The following TBC1D15 variants were observed in gnomAD, a reference collection of about 807,000 sequenced individuals.
TBC1D15 encodes GAP for RAB7.
In TBC1D15, 39 loss-of-function variants were observed where a neutral mutation model predicts 95.4. The ratio of observed to expected loss-of-function variants is 0.41; its 90% CI spans 0.32 to 0.53. The LOEUF is 0.53. Ranked by LOEUF, TBC1D15 falls within the 20% of genes least tolerant of loss-of-function variation. The pLI, the probability that TBC1D15 is intolerant of heterozygous loss-of-function variation, is 0.29. For missense variants in TBC1D15, 733 were observed against 794.3 expected, an observed-to-expected ratio of 0.92 and a Z score of 0.93; for synonymous variants, 258 against 261.3, an observed-to-expected ratio of 0.99 and a Z score of 0.12.
At chr12:71,892,148 A>AT (rs148489216) in intron 5 of TBC1D15, among the ~76,000 whole-genome samples, 72 of 151,826 alleles carry the variant, frequency 4.7e-4, no homozygotes, top group African/African-American at 1.6e-3. Context: ...TTTAAAATGT[A>AT]TTTTTTTTCC....
intron 1 of TBC1D15, among the ~76,000 whole-genome samples, chr12:71,865,866 C>T (rs984420141): frequency 1.3e-5 from 2 of 152,000 alleles, no homozygotes; most frequent in African/African-American, 4.8e-5. Context: ...TGGGGTGTGA[C>T]TGTTCTGTGC....
chr12:71,857,491 T>C (rs1340808833), intron 1 of TBC1D15, among the ~76,000 whole-genome samples: 2 of 152,152 alleles, frequency 1.3e-5, no homozygotes, highest in African/African-American at 4.8e-5. Flanking sequence ...CAGGAATCAA[T>C]TCATGACAGA....
intron 10 of TBC1D15, among the ~76,000 whole-genome samples, chr12:71,900,465 A>T (rs1171474989): frequency 6.6e-6 from 1 of 152,088 alleles, no homozygotes; most frequent in Non-Finnish European, 1.5e-5. Flanking sequence ...CCAAGGTCTG[A>T]TTTTTCACAC....
intron 1 of TBC1D15, chr12:71,849,948 G>A (rs1236108484): frequency 1.9e-6 from 1 of 538,622 alleles, no homozygotes. Context: ...CCCCTGAAGG[G>A]TGTTGATCCA....
chr12:71,861,753 T>C (rs541568300), intron 1 of TBC1D15, among the ~76,000 whole-genome samples: 10 of 152,160 alleles, frequency 6.6e-5, no homozygotes, highest in African/African-American at 2.4e-4. Context: ...ATTGTTTTTC[T>C]AGTTCCTTGA....
intron 10 of TBC1D15, among the ~76,000 whole-genome samples, chr12:71,903,549 C>T (rs1343385855): frequency 6.6e-6 from 1 of 152,134 alleles, no homozygotes. Context: ...ATCGTTCTAC[C>T]ACAAAGGTAA....
intron 1 of TBC1D15, among the ~76,000 whole-genome samples, chr12:71,871,071 A>T (rs1408954630): frequency 6.6e-5 from 10 of 152,272 alleles, no homozygotes; most frequent in African/African-American, 2.2e-4. Context: ...AATTAAAAAA[A>T]TTTTTAAATG....
At chr12:71,916,210 C>T (rs897133250) in intron 12 of TBC1D15, among the ~76,000 whole-genome samples, 2 of 152,226 alleles carry the variant, frequency 1.3e-5, no homozygotes, top group South Asian at 4.1e-4. Context: ...CATTTGAAGC[C>T]CTTTGTATAT....
intron 1 of TBC1D15, among the ~76,000 whole-genome samples, chr12:71,857,100 A>T (rs190922870): frequency 0.13 from 16,621 of 129,944 alleles, 1,077 homozygotes; most frequent in African/African-American, 0.19. Flanking sequence ...TAATTTTTTT[A>T]AATTTATTAT....
chr12:71,892,032 T>C (rs1897274356), intron 5 of TBC1D15, among the ~76,000 whole-genome samples: 1 of 152,164 alleles, frequency 6.6e-6, no homozygotes, highest in African/African-American at 2.4e-5. Context: ...ACTTTTCTTT[T>C]CTGATGCTAC....
intron 11 of TBC1D15, among the ~76,000 whole-genome samples, chr12:71,912,385 A>G (rs1158264238): frequency 1.3e-5 from 2 of 152,082 alleles, no homozygotes; most frequent in Non-Finnish European, 2.9e-5. Flanking sequence ...GTAGAGCTAT[A>G]TTTTCCCACA....
intron 3 of TBC1D15, among the ~76,000 whole-genome samples, chr12:71,879,597 T>A (rs1894721695): frequency 6.6e-6 from 1 of 152,246 alleles, no homozygotes; most frequent in African/African-American, 2.4e-5. Context: ...CCTCACGTTG[T>A]CTTCCATATT....
chr12:71,853,022 C>G (rs1354138581), intron 1 of TBC1D15, among the ~76,000 whole-genome samples: 1 of 152,146 alleles, frequency 6.6e-6, no homozygotes, highest in Admixed American at 6.5e-5. Flanking sequence ...TCAATACTCA[C>G]TGCTATAAAG....
Position 71,907,026 on chromosome 12 carries a change from AG to A in TBC1D15, c.1189del (p.Asp397MetfsTer20). Reference sequence around the variant, plus strand: ...TGTGATGATTTTCCTCTTCAGAAAAAGATGTTAACAGAACAGATCGAACAAA... The same window carrying A: ...TGTGATGATTTTCCTCTTCAGAAAAAATGTTAACAGAACAGATCGAACAAA... ...LRDYRSLIEKDVNRTDRTNKF... is the reference protein window; with the variant it reads ...LRDYRSLIEKXVNRTDRTNKF... On this transcript the variant is annotated frameshift_variant, in exon 11 of 17. Transcript: ENST00000485960. LOFTEE classifies it high-confidence loss of function. The A allele has an allele frequency of 6.3e-7, 1 of 1,578,350 alleles. No individual in the cohort carries two copies. The highest frequency in any genetic ancestry group is 8.6e-7 in the Non-Finnish European group (1 of 1,164,704).
At chr12:71,899,090 G>A (rs965677333) in intron 10 of TBC1D15, among the ~76,000 whole-genome samples, 2 of 152,064 alleles carry the variant, frequency 1.3e-5, no homozygotes, top group African/African-American at 4.8e-5. Flanking sequence ...TATTCGAACT[G>A]GAAGGGAAGT....
Position 71,893,202 on chromosome 12 carries a change from A to T in TBC1D15, c.555-20A>T, listed in dbSNP as rs1484730427. 6.6e-7 allele frequency: 1 copy of T among 1,519,588 alleles called. No homozygotes were observed. Among genetic ancestry groups the T allele is most frequent in the South Asian group, 1.2e-5 (1 of 83,586 alleles). 94.1% of individuals were successfully genotyped at this position (1,519,588 alleles called of 1,614,324 possible). A position where few individuals can be genotyped will look rare whatever the true frequency, so the allele number is the denominator to read the frequency against. ...ATACAGTGTGTTAGTATTTTCTACA[A>T]ATCCTCTTTTTTATTATAGATCTCC... On this transcript the variant is annotated intron_variant, in intron 5 of 16. Coordinates refer to ENST00000485960, the MANE Select transcript of TBC1D15 (RefSeq NM_001146213.3).
intron 1 of TBC1D15, among the ~76,000 whole-genome samples, chr12:71,865,257 A>C (rs555405200): frequency 6.6e-6 from 1 of 152,290 alleles, no homozygotes; most frequent in South Asian, 2.1e-4. Context: ...GATGTATGAC[A>C]CTGAGTCACT....
At chr12:71,917,566 A>C (rs1000486774) in intron 12 of TBC1D15, 132 bp from the exon 13 acceptor site, 2 of 512,280 alleles carry the variant, frequency 3.9e-6, no homozygotes, top group African/African-American at 3.9e-5. Flanking sequence ...TTGGTTAGTT[A>C]CGCATTTTTT....
intron 4 of TBC1D15, among the ~76,000 whole-genome samples, chr12:71,882,044 C>T (rs77342566): frequency 0.059 from 8,907 of 150,934 alleles, 355 homozygotes; most frequent in South Asian, 0.15. Context: ...TATTTCATTA[C>T]GAAACTTTCT....
Sources: allele counts gnomAD v4.1 joint callset (sites outside exome capture counted in the v4.1 genomes callset), GRCh38; gene constraint gnomAD v4.1.1; transcripts MANE v1.5; gene names NCBI Gene and HGNC (gene_info 2026-07-23, HGNC 2026-07-21).